The following TSHZ2 variants were observed in gnomAD, a reference collection of about 807,000 sequenced individuals.
TSHZ2 encodes the protein teashirt zinc finger homeobox 2.
Under a neutral mutation model 74.4 loss-of-function variants are expected in TSHZ2, and 21 were observed. That is an observed-to-expected ratio of 0.28 (90% CI 0.20 to 0.41). TSHZ2 has a LOEUF of 0.41. Among genes scored for constraint, TSHZ2 ranks in the 10% least tolerant of loss-of-function variants. The probability of loss-of-function intolerance (pLI) is 1.00; values close to 1 mark genes in which losing one functional copy is unlikely to be tolerated. For missense variants in TSHZ2, 1,244 were observed against 1,293.5 expected (o/e 0.96, Z 0.59); for synonymous variants, 540 against 515.3 (o/e 1.05, Z -0.65).
Position 53,493,365 on chromosome 20 carries a change from C to T in TSHZ2, c.*6230C>T, listed in dbSNP as rs1390018106. On this transcript the variant is annotated 3_prime_UTR_variant, in exon 3 of 3. Coordinates refer to ENST00000371497, the MANE Select transcript of TSHZ2 (RefSeq NM_173485.6). Reference sequence around the variant, plus strand: ...CTGGATCTAGGGAGGAACCAACTTCCTAATTCAGAGTTTTCCTTTTAAAGG... The same window carrying T: ...CTGGATCTAGGGAGGAACCAACTTCTTAATTCAGAGTTTTCCTTTTAAAGG... The T allele has an allele frequency of 6.6e-6, 1 of 152,196 alleles. No individual in the cohort carries two copies. The highest frequency in any genetic ancestry group is 1.5e-5 in the Non-Finnish European group (1 of 68,032). 9.4% of individuals were successfully genotyped at this position (152,196 alleles called of 1,614,324 possible).
chr20:53,027,281 T>C (rs1417362528), intron 1 of TSHZ2, among the ~76,000 whole-genome samples: 1 of 152,226 alleles, frequency 6.6e-6, no homozygotes, highest in African/African-American at 2.4e-5. Flanking sequence ...TATGTACAGT[T>C]CACATATACA....
Position 53,338,890 on chromosome 20 carries a change from G to A in TSHZ2, c.*8+82319G>A, listed in dbSNP as rs115672996. On this transcript the variant is annotated intron_variant, in intron 2 of 2. Coordinates refer to ENST00000371497, the MANE Select transcript of TSHZ2 (RefSeq NM_173485.6). ...CAGATGAGGCCAGCACTGCGTCAGC[G>A]TTCTGTAAACCTCAGGCAGGAGCCA... 3.9e-3 allele frequency among the ~76,000 whole-genome samples: 599 copies of A among 152,290 alleles called. 5 individuals carry two copies. Among genetic ancestry groups the A allele is most frequent in the African/African-American group, 0.014 (564 of 41,538 alleles).
At chr20:53,347,617 G>C (rs413066) in intron 2 of TSHZ2, among the ~76,000 whole-genome samples, 129,673 of 152,052 alleles carry the variant, frequency 0.85, 55,771 homozygotes, top group African/African-American at 0.95. Flanking sequence ...AGGCTGAGAT[G>C]TTGTCCATCT....
rs369114049 is a variant in TSHZ2 at position 52,999,243 on chromosome 20, C to A, written c.40+25910C>A. Among the ~76,000 whole-genome samples the A allele has an allele frequency of 2.0e-5, 3 of 152,322 alleles. No homozygotes were observed. In the East Asian group the frequency reaches 5.8e-4, roughly 29 times the overall value. Reference sequence around the variant, plus strand: ...CTCCTTAACACAGATCTTTATTAAGCACACCACCTGGGTGCCAAGCACTGT... The same window carrying A: ...CTCCTTAACACAGATCTTTATTAAGAACACCACCTGGGTGCCAAGCACTGT... On this transcript the variant is annotated intron_variant, in intron 1 of 2. Coordinates refer to ENST00000371497, the MANE Select transcript of TSHZ2 (RefSeq NM_173485.6).
At position 53,282,480 on chromosome 20, in the gene TSHZ2, C is replaced by A. The variant is rs538486658; in HGVS notation, c.*8+25909C>A. 5.3e-5 allele frequency among the ~76,000 whole-genome samples: 8 copies of A among 152,288 alleles called. No individual in the cohort carries two copies. The South Asian group carries it at 1.2e-3, about 24-fold the overall frequency. ...TTTTTCTGATTTAACCCTTACCACACGCTTTAAGTAGCGATATTACCCCCA... is the reference window on the plus strand; with the variant it reads ...TTTTTCTGATTTAACCCTTACCACAAGCTTTAAGTAGCGATATTACCCCCA... On this transcript the variant is annotated intron_variant, in intron 2 of 2. Coordinates refer to ENST00000371497, the MANE Select transcript of TSHZ2 (RefSeq NM_173485.6).
At chr20:53,181,430 T>C (rs1218082681) in intron 1 of TSHZ2, among the ~76,000 whole-genome samples, 2 of 152,000 alleles carry the variant, frequency 1.3e-5, no homozygotes, top group African/African-American at 2.4e-5. Context: ...TTCTGACAGA[T>C]CAAAGGAAAC....
intron 1 of TSHZ2, among the ~76,000 whole-genome samples, chr20:53,181,020 A>G (rs954450273): frequency 1.3e-4 from 20 of 151,946 alleles, no homozygotes; most frequent in Non-Finnish European, 2.4e-4. Context: ...CCTCCCCTTC[A>G]TTGAGTGTAC....
intron 2 of TSHZ2, among the ~76,000 whole-genome samples, chr20:53,347,960 G>A (rs926280503): frequency 3.3e-5 from 5 of 152,074 alleles, no homozygotes; most frequent in South Asian, 2.1e-4. Context: ...TCCCATACCC[G>A]TAACGTGGTA....
intron 2 of TSHZ2, among the ~76,000 whole-genome samples, chr20:53,347,638 T>G (rs946380668): frequency 6.6e-6 from 1 of 152,056 alleles, no homozygotes; most frequent in Admixed American, 6.5e-5. Flanking sequence ...TTTTTACTTT[T>G]TTTTTTTCCA....
chr20:53,161,169 G>T (rs907774303), intron 1 of TSHZ2, among the ~76,000 whole-genome samples: 1 of 144,212 alleles, frequency 6.9e-6, no homozygotes, highest in Non-Finnish European at 1.5e-5. Flanking sequence ...GGTAATGCAA[G>T]GCTATCTGAT....
chr20:53,403,408 G>A (rs542867832), intron 2 of TSHZ2, among the ~76,000 whole-genome samples: 78 of 152,162 alleles, frequency 5.1e-4, no homozygotes, highest in Non-Finnish European at 9.9e-4. Flanking sequence ...TCTCTTCTGC[G>A]GGTTCCCCAA....
chr20:53,151,117 ACAGAAGGTGCATG>A (rs1987667042), intron 1 of TSHZ2, among the ~76,000 whole-genome samples: 1 of 152,178 alleles, frequency 6.6e-6, no homozygotes, highest in African/African-American at 2.4e-5. Context: ...TCCTGTTAAA[ACAGAAGGTGCATG>A]CAGTATGTTT....
At chr20:53,240,760 T>TAGAC (rs1344212343) in intron 1 of TSHZ2, among the ~76,000 whole-genome samples, 2 of 151,482 alleles carry the variant, frequency 1.3e-5, no homozygotes, top group Admixed American at 1.3e-4. Flanking sequence ...GATAGATAGA[T>TAGAC]AGATAGATAG....
At chr20:53,076,507 T>C (rs1278972016) in intron 1 of TSHZ2, among the ~76,000 whole-genome samples, 1 of 152,192 alleles carries the variant, frequency 6.6e-6, no homozygotes, top group East Asian at 1.9e-4. Flanking sequence ...GTTTCAGTTG[T>C]GCTTAATACT....
intron 1 of TSHZ2, among the ~76,000 whole-genome samples, chr20:53,136,573 G>A (rs1161018608): frequency 6.6e-6 from 1 of 152,160 alleles, no homozygotes; most frequent in Non-Finnish European, 1.5e-5. Flanking sequence ...TTTTATAGAA[G>A]AGGAACCTGT....
chr20:53,127,880 A>G (rs1233873436), intron 1 of TSHZ2, among the ~76,000 whole-genome samples: 2 of 152,210 alleles, frequency 1.3e-5, no homozygotes, highest in African/African-American at 4.8e-5. Context: ...AGCCTCACAG[A>G]TGAGCCAGGG....
intron 1 of TSHZ2, among the ~76,000 whole-genome samples, chr20:53,061,469 C>T (rs889314711): frequency 6.6e-6 from 1 of 152,130 alleles, no homozygotes; most frequent in African/African-American, 2.4e-5. Context: ...ATTATGAAAA[C>T]AACATTGCAC....
chr20:53,067,647 C>T (rs1384568671), intron 1 of TSHZ2, among the ~76,000 whole-genome samples: 1 of 152,182 alleles, frequency 6.6e-6, no homozygotes, highest in Admixed American at 6.5e-5. Flanking sequence ...CATCTCTGAC[C>T]CTCTCTAACT....
intron 1 of TSHZ2, among the ~76,000 whole-genome samples, chr20:53,122,671 C>T (rs1986843943): frequency 6.6e-6 from 1 of 152,098 alleles, no homozygotes; most frequent in African/African-American, 2.4e-5. Context: ...TCTCTGGCAT[C>T]TGGGCCATGC....
Sources: allele counts gnomAD v4.1 joint callset (sites outside exome capture counted in the v4.1 genomes callset), GRCh38; gene constraint gnomAD v4.1.1; transcripts MANE v1.5; gene names NCBI Gene and HGNC (gene_info 2026-07-23, HGNC 2026-07-21).